CENPE: variants seen among roughly 807,000 people sequenced by gnomAD.
The protein encoded by CENPE is centromere-associated protein E.
Under a neutral mutation model 336.1 loss-of-function variants are expected in CENPE, and 145 were observed. The ratio of observed to expected loss-of-function variants is 0.43; its 90% CI spans 0.38 to 0.50. The LOEUF (loss-of-function observed/expected upper bound fraction) is 0.50, where lower values mean the gene tolerates loss of function less well. Ranked by LOEUF, CENPE falls within the 20% of genes least tolerant of loss-of-function variation. The pLI is 0.00. For synonymous variants in CENPE, 1,013 were observed against 984.8 expected (o/e 1.03, Z -0.54); for missense variants, 2,719 against 3,023.3 (o/e 0.90, Z 2.36).
intron 24 of CENPE, among the ~76,000 whole-genome samples, chr4:103,154,094 T>C (rs1466221889): frequency 2.0e-5 from 3 of 152,258 alleles, no homozygotes; most frequent in Non-Finnish European, 4.4e-5. Flanking sequence ...GGTATTATTG[T>C]ATGACATTAC....
Position 103,168,935 on chromosome 4 carries a change from G to T in CENPE, c.1648-5382C>A, listed in dbSNP as rs1164247727. ...GCATGACCACAAGCATCATGATCAG[G>T]GAAACATGATGTCACCAAAAGCACA... On this transcript the variant is annotated intron_variant, in intron 16 of 48. Coordinates refer to ENST00000265148, the MANE Select transcript of CENPE (RefSeq NM_001813.3). Among the ~76,000 whole-genome samples, 6 of 152,152 alleles carry T rather than the reference G, an allele frequency of 3.9e-5. No homozygotes were observed. In the East Asian group the frequency reaches 1.2e-3, roughly 29 times the overall value.
At chr4:103,167,289 T>C (rs1430798447) in intron 16 of CENPE, among the ~76,000 whole-genome samples, 1 of 152,098 alleles carries the variant, frequency 6.6e-6, no homozygotes, top group Admixed American at 6.6e-5. Context: ...TAAAATGTAA[T>C]ATACAAACTA....
At chr4:103,111,276 T>A (rs1351264109) in intron 46 of CENPE, among the ~76,000 whole-genome samples, 1 of 152,202 alleles carries the variant, frequency 6.6e-6, no homozygotes, top group East Asian at 1.9e-4. Flanking sequence ...TCACCCTGAC[T>A]GCAGCAATAG....
intron 29 of CENPE, 122 bp downstream of exon 29, chr4:103,147,234 A>G: frequency 1.2e-6 from 1 of 808,198 alleles, no homozygotes; most frequent in Non-Finnish European, 1.9e-6. Flanking sequence ...TCATTTCATG[A>G]TTAAGAGACA....
chr4:103,136,237 G>C lies in CENPE; in HGVS notation c.6426C>G (p.Leu2142=). ...GTTTGGTTTGTAAATAGGGAAGTGA[G>C]AGGTTTGCTTTAACTCTCATTGAAA... ...KELSMRVKAN[L]SLPYLQTKHI... Residue 2142 remains leucine, a synonymous_variant, in exon 40 of 49, where the codon CTC becomes CTG. Transcript: ENST00000265148. The C allele has an allele frequency of 6.2e-7, 1 of 1,613,810 alleles. No homozygotes were observed. Among genetic ancestry groups the C allele is most frequent in the Non-Finnish European group, 8.5e-7 (1 of 1,179,812 alleles).
At chr4:103,145,019 CAAAA>C (rs369959588) in intron 32 of CENPE, 27 bp downstream of exon 32, 14 of 1,232,286 alleles carry the variant, frequency 1.1e-5, no homozygotes, top group Middle Eastern at 2.5e-4. Context: ...TTTCTGTATC[CAAAA>C]AAAAAAAAAA....
Position 103,122,900 on chromosome 4 carries a change from T to G in CENPE, c.7114A>C (p.Thr2372Pro). Reference sequence around the variant, plus strand: ...GTGGTTAACTGTGTAGCTCTTGATGTAACATGAGGATTCTTATTGTCTTGT... The same window carrying G: ...GTGGTTAACTGTGTAGCTCTTGATGGAACATGAGGATTCTTATTGTCTTGT... ...TTQDNKNPHV[T>P]SRATQLTTEK... The change falls in exon 43 of 49, where the codon ACA (threonine) becomes CCA (proline). Residue 2372 changes from threonine (T) to proline (P), a missense_variant. Around this residue, in one of 5 missense-constraint regions of CENPE, gnomAD observed 2,437 missense variants for 2,513.3 expected, o/e 0.97. Transcript: ENST00000265148. 1 of 1,613,530 alleles carries G rather than the reference T, an allele frequency of 6.2e-7. No individual in the cohort carries two copies. Among genetic ancestry groups the G allele is most frequent in the Non-Finnish European group, 8.5e-7 (1 of 1,179,466 alleles).
chr4:103,140,190 T>C, intron 37 of CENPE, 66 bp downstream of exon 37: 1 of 1,486,298 alleles, frequency 6.7e-7, no homozygotes, highest in East Asian at 2.3e-5. Context: ...TGTATCTATA[T>C]CTTTTTAATT....
intron 24 of CENPE, among the ~76,000 whole-genome samples, chr4:103,157,020 G>A (rs1032251468): frequency 4.3e-5 from 6 of 139,168 alleles, no homozygotes; most frequent in Admixed American, 1.5e-4. Flanking sequence ...TCAAAACCAC[G>A]ATGAGATACT....
intron 24 of CENPE, among the ~76,000 whole-genome samples, chr4:103,156,781 A>C (rs1167144133): frequency 1.3e-5 from 2 of 152,164 alleles, no homozygotes; most frequent in East Asian, 1.9e-4. Context: ...CAATCAACAG[A>C]GTAAAAAGAC....
At chr4:103,151,494 G>A in intron 25 of CENPE, 117 bp from the exon 26 acceptor site, 1 of 721,436 alleles carries the variant, frequency 1.4e-6, no homozygotes, top group Non-Finnish European at 2.1e-6. Flanking sequence ...AAACTATATA[G>A]GAAAAGACAA....
chr4:103,166,916 T>G (rs2125988746), intron 16 of CENPE, among the ~76,000 whole-genome samples: 1 of 152,334 alleles, frequency 6.6e-6, no homozygotes, highest in East Asian at 1.9e-4. Context: ...CCCTTTAATC[T>G]TTTGGACAAT....
chr4:103,161,500 C>A, intron 18 of CENPE, 43 bp from the exon 19 acceptor site: 1 of 1,518,602 alleles, frequency 6.6e-7, no homozygotes, highest in Non-Finnish European at 8.8e-7. Context: ...CTAATTTTCA[C>A]AGAGTTGGAA....
intron 16 of CENPE, among the ~76,000 whole-genome samples, chr4:103,172,408 C>T (rs1329226613): frequency 6.6e-6 from 1 of 151,892 alleles, no homozygotes; most frequent in African/African-American, 2.4e-5. Context: ...AATACCTCTT[C>T]ATGATAAAAA....
intron 16 of CENPE, among the ~76,000 whole-genome samples, chr4:103,166,640 C>G (rs1754944755): frequency 6.6e-6 from 1 of 152,110 alleles, no homozygotes; most frequent in Non-Finnish European, 1.5e-5. Flanking sequence ...AGAAACTGAA[C>G]AATGATATCG....
At chr4:103,130,978 T>C (rs1751541405) in intron 42 of CENPE, among the ~76,000 whole-genome samples, 1 of 148,758 alleles carries the variant, frequency 6.7e-6, no homozygotes, top group Non-Finnish European at 1.5e-5. Flanking sequence ...TTGGTTTAAA[T>C]GTAAAACAAA....
intron 7 of CENPE, 26 bp downstream of exon 7, chr4:103,194,348 T>G (rs778878368): frequency 6.8e-6 from 11 of 1,608,088 alleles, no homozygotes; most frequent in Non-Finnish European, 9.4e-6. Flanking sequence ...CTTGGAAAGA[T>G]CTAACAGATA....
chr4:103,143,217 C>A (rs781283438), intron 34 of CENPE, 31 bp downstream of exon 34: 9 of 1,509,720 alleles, frequency 6.0e-6, no homozygotes, highest in Non-Finnish European at 8.1e-6. Context: ...TTCAAACTCT[C>A]AGTAACTGAG....
intron 36 of CENPE, 89 bp downstream of exon 36, chr4:103,140,725 T>C (rs1409978270): frequency 1.8e-6 from 2 of 1,081,890 alleles, no homozygotes; most frequent in Non-Finnish European, 1.3e-6. Context: ...TTCTAGGTTT[T>C]AGTCACCAGA....
Sources: allele counts gnomAD v4.1 joint callset (sites outside exome capture counted in the v4.1 genomes callset), GRCh38; gene constraint gnomAD v4.1.1; regional missense constraint gnomAD v4.1.1; transcripts MANE v1.5; gene names NCBI Gene and HGNC (gene_info 2026-07-23, HGNC 2026-07-21).